Variants in CAPZA2 observed in about 807,000 individuals in gnomAD.
CAPZA2 encodes F-actin-capping protein subunit alpha-2.
CAPZA2 carries 13 observed loss-of-function variants against 44.0 expected under a neutral mutation model. The observed-to-expected ratio is 0.30, with a 90% CI of 0.19 to 0.47. CAPZA2 has a LOEUF of 0.47. Ranked by LOEUF, CAPZA2 falls within the 20% of genes least tolerant of loss-of-function variation. CAPZA2 has a pLI of 1.00. For synonymous variants in CAPZA2, 94 were observed against 108.2 expected, an observed-to-expected ratio of 0.87 and a Z score of 0.81; for missense variants, 244 against 338.6, an observed-to-expected ratio of 0.72 and a Z score of 2.19.
At chr7:116,866,254 C>T (rs1796481336) in intron 1 of CAPZA2, among the ~76,000 whole-genome samples, 1 of 151,440 alleles carries the variant, frequency 6.6e-6, no homozygotes, top group Admixed American at 6.6e-5. Context: ...TCACTGCAAG[C>T]TCCGCCTCCT....
chr7:116,868,627 G>A (rs1000152473), intron 1 of CAPZA2, among the ~76,000 whole-genome samples: 38 of 152,106 alleles, frequency 2.5e-4, no homozygotes, highest in Non-Finnish European at 3.7e-4. Flanking sequence ...CCAGCTACTC[G>A]GGAGGCCGAG....
intron 9 of CAPZA2, 137 bp downstream of exon 9, chr7:116,916,259 A>G: frequency 3.6e-6 from 3 of 836,580 alleles, no homozygotes; most frequent in Non-Finnish European, 5.1e-6. Context: ...TTTAACACAA[A>G]GGCAGACTTA....
intron 4 of CAPZA2, among the ~76,000 whole-genome samples, chr7:116,902,761 G>A (rs148539009): frequency 1.6e-3 from 241 of 152,238 alleles, no homozygotes; most frequent in Middle Eastern, 0.014. Flanking sequence ...TATTGAGTCA[G>A]GGTCCTGCTC....
At chr7:116,888,090 G>A (rs762978533) in intron 1 of CAPZA2, 37 bp from the exon 2 acceptor site, 9 of 1,462,556 alleles carry the variant, frequency 6.2e-6, no homozygotes, top group Non-Finnish European at 8.6e-6. Flanking sequence ...GCAGAAGCCT[G>A]TGATATGGAA....
chr7:116,875,538 G>A, intron 1 of CAPZA2: 1 of 143,160 alleles, frequency 7.0e-6, no homozygotes, highest in South Asian at 2.3e-4. Flanking sequence ...TAAATTGGAG[G>A]GTTTTTTTTT....
chr7:116,863,022 G>C (rs1056163745), intron 1 of CAPZA2, among the ~76,000 whole-genome samples: 1 of 152,066 alleles, frequency 6.6e-6, no homozygotes, highest in Middle Eastern at 3.2e-3. Flanking sequence ...GACCAGGGAC[G>C]CAAAGGGGTT....
chr7:116,906,439 A>C, intron 6 of CAPZA2, 97 bp downstream of exon 6: 1 of 1,486,754 alleles, frequency 6.7e-7, no homozygotes, highest in Non-Finnish European at 8.9e-7. Context: ...TTTGTTTATG[A>C]TTAAGAACAA....
chr7:116,871,441 T>C (rs1796553371), intron 1 of CAPZA2, among the ~76,000 whole-genome samples: 1 of 152,198 alleles, frequency 6.6e-6, no homozygotes, highest in Admixed American at 6.5e-5. Context: ...ATTGTCAGAA[T>C]AACCTTGTTA....
intron 1 of CAPZA2, 64 bp downstream of exon 1, chr7:116,862,714 C>T (rs936216319): frequency 5.5e-5 from 82 of 1,483,282 alleles, no homozygotes; most frequent in Non-Finnish European, 7.1e-5. Flanking sequence ...CGGGTGGGCC[C>T]GGAGTCTGGT....
chr7:116,890,525 AATATATATATATAT>A (rs869031070), intron 2 of CAPZA2, among the ~76,000 whole-genome samples: 13 of 27,218 alleles, frequency 4.8e-4, no homozygotes, highest in South Asian at 1.8e-3. Context: ...AAAAAAAAAA[AATATATATATATAT>A]ATATATATAT....
At chr7:116,878,302 G>A (rs897131907) in intron 1 of CAPZA2, among the ~76,000 whole-genome samples, 2 of 152,162 alleles carry the variant, frequency 1.3e-5, no homozygotes, top group African/African-American at 4.8e-5. Flanking sequence ...GAAGACTTAC[G>A]CTGTATTGGG....
chr7:116,869,112 GCTATGA>G (rs1434178169), intron 1 of CAPZA2, among the ~76,000 whole-genome samples: 1 of 152,160 alleles, frequency 6.6e-6, no homozygotes, highest in Admixed American at 6.5e-5. Context: ...GTGGTTCCAA[GCTATGA>G]CCTAAAAGCC....
At chr7:116,917,135 G>A (rs1181152992) in intron 9 of CAPZA2, among the ~76,000 whole-genome samples, 1 of 152,032 alleles carries the variant, frequency 6.6e-6, no homozygotes. Flanking sequence ...AAATTGTTCT[G>A]ACATACTAAA....
rs1791456895 is a variant in CAPZA2, at chr7:116,904,323, T to C, written c.366T>C (p.Thr122=). 1 of 1,613,876 alleles carries C rather than the reference T, an allele frequency of 6.2e-7. No homozygotes were observed. The highest frequency in any genetic ancestry group is 8.5e-7 in the Non-Finnish European group (1 of 1,179,784). The change falls in exon 5 of 10, where the codon ACT becomes ACC. Residue 122 remains threonine, a synonymous_variant. Coordinates refer to ENST00000361183, the MANE Select transcript of CAPZA2 (RefSeq NM_006136.3). Reference sequence around the variant, plus strand: ...AAAATGCAGTTGAATCATGGAGAACTTCAGTAGAAACTGCTCTGAGAGCTT... The same window carrying C: ...AAAATGCAGTTGAATCATGGAGAACCTCAGTAGAAACTGCTCTGAGAGCTT... ...EVENAVESWR[T]SVETALRAYV...
intron 1 of CAPZA2, among the ~76,000 whole-genome samples, chr7:116,864,873 TA>T (rs1010712820): frequency 4.6e-5 from 7 of 151,444 alleles, no homozygotes; most frequent in African/African-American, 1.7e-4. Context: ...ACCTCATCTC[TA>T]AAAAAAAATA....
At chr7:116,905,173 CA>C (rs1282736508) in intron 5 of CAPZA2, among the ~76,000 whole-genome samples, 1 of 150,730 alleles carries the variant, frequency 6.6e-6, no homozygotes, top group Non-Finnish European at 1.5e-5. Context: ...AAAAGAAATA[CA>C]AAATATGGTA....
intron 6 of CAPZA2, among the ~76,000 whole-genome samples, chr7:116,909,225 G>C (rs2115970739): frequency 6.6e-6 from 1 of 152,182 alleles, no homozygotes; most frequent in South Asian, 2.1e-4. Flanking sequence ...AGAAATCATT[G>C]TCTAGCAAAA....
chr7:116,899,279 A>G (rs1283632010), intron 4 of CAPZA2, among the ~76,000 whole-genome samples: 1 of 152,046 alleles, frequency 6.6e-6, no homozygotes, highest in Admixed American at 6.6e-5. Context: ...AAAAGCCACA[A>G]AAGGTCACTA....
intron 2 of CAPZA2, among the ~76,000 whole-genome samples, chr7:116,891,503 ATTG>A (rs1286914978): frequency 6.6e-6 from 1 of 152,038 alleles, no homozygotes; most frequent in Non-Finnish European, 1.5e-5. Flanking sequence ...AGCAAAGGAT[ATTG>A]TTTTTTGTTT....
Sources: gnomAD v4.1 joint callset for allele counts (sites outside exome capture counted in the v4.1 genomes callset) on GRCh38, gnomAD v4.1.1 for gene constraint, MANE v1.5 for transcripts, NCBI Gene and HGNC (gene_info 2026-07-23, HGNC 2026-07-21) for gene names.